Variants in PSD3 observed in about 807,000 individuals in gnomAD.
PSD3 encodes PH and SEC7 domain-containing protein 3.
In PSD3, 49 loss-of-function variants were observed where a neutral mutation model predicts 105.5. The observed-to-expected ratio is 0.46, with a 90% CI of 0.37 to 0.59. The LOEUF (loss-of-function observed/expected upper bound fraction) is 0.59. Among genes scored for constraint, PSD3 ranks in the 20% least tolerant of loss-of-function variants. The pLI, the probability that PSD3 is intolerant of heterozygous loss-of-function variation, is 0.00. For missense variants in PSD3, 1,561 were observed against 1,263.8 expected (o/e 1.24, Z -3.57); for synonymous variants, 557 against 457.8 (o/e 1.22, Z -2.77).
At chr8:18,756,345 T>C (rs543698038) in intron 9 of PSD3, among the ~76,000 whole-genome samples, 9 of 152,324 alleles carry the variant, frequency 5.9e-5, no homozygotes, top group African/African-American at 2.2e-4. Flanking sequence ...GACCTTTTTC[T>C]GACTGAGGTC....
intron 4 of PSD3, among the ~76,000 whole-genome samples, chr8:18,821,385 T>C (rs1209980625): frequency 3.1e-5 from 3 of 95,768 alleles, no homozygotes; most frequent in Non-Finnish European, 4.5e-5. Flanking sequence ...CTTTTTCATT[T>C]TCCAAAAAAA....
At chr8:18,563,024 G>A (rs543311613) in intron 14 of PSD3, among the ~76,000 whole-genome samples, 1 of 152,126 alleles carries the variant, frequency 6.6e-6, no homozygotes, top group African/African-American at 2.4e-5. Context: ...AAATGTCTAC[G>A]TCATATGCTT....
chr8:18,715,610 A>T (rs1802532749), intron 9 of PSD3, among the ~76,000 whole-genome samples: 1 of 152,246 alleles, frequency 6.6e-6, no homozygotes, highest in Non-Finnish European at 1.5e-5. Flanking sequence ...TTTTTAAAAA[A>T]GCAAAATCGC....
intron 4 of PSD3, among the ~76,000 whole-genome samples, chr8:18,820,817 G>A (rs907031883): frequency 6.6e-6 from 1 of 152,254 alleles, no homozygotes; most frequent in African/African-American, 2.4e-5. Context: ...AGGCTGGAGT[G>A]CAGTGGCGGA....
At chr8:18,678,064 A>C (rs4921950) in intron 9 of PSD3, among the ~76,000 whole-genome samples, 4 of 151,122 alleles carry the variant, frequency 2.6e-5, no homozygotes, top group Non-Finnish European at 4.4e-5. Flanking sequence ...GAACATGTTA[A>C]TCTGGCAGAA....
chr8:18,959,174 G>A (rs112208131), intron 1 of PSD3, among the ~76,000 whole-genome samples: 28,249 of 152,174 alleles, frequency 0.19, 2,966 homozygotes, highest in Non-Finnish European at 0.24. Flanking sequence ...GCCCGACTCG[G>A]CCTCCCAAAG....
chr8:18,803,425 CTCA>C (rs1810911890), intron 6 of PSD3: 1 of 61,994 alleles, frequency 1.6e-5, no homozygotes, highest in African/African-American at 9.0e-5. Flanking sequence ...GTGTGTTAAA[CTCA>C]TCATTCAAAA....
intron 9 of PSD3, among the ~76,000 whole-genome samples, chr8:18,739,899 C>G (rs1804427172): frequency 6.6e-6 from 1 of 152,142 alleles, no homozygotes; most frequent in Admixed American, 6.5e-5. Flanking sequence ...TATTAGAAAT[C>G]AGATGAAAGT....
chr8:18,729,990 A>T (rs886691230), intron 9 of PSD3: 1 of 152,224 alleles, frequency 6.6e-6, no homozygotes, highest in African/African-American at 2.4e-5. Flanking sequence ...AGACTGGAAA[A>T]GGAAGAAAGC....
In PSD3 at chr8:19,034,868, G is replaced by A. The variant is rs183791342; in HGVS notation, c.324+49338C>T. Among the ~76,000 whole-genome samples the A allele has an allele frequency of 2.4e-3, 360 of 152,264 alleles. 2 individuals are homozygous for A. Among genetic ancestry groups the A allele is most frequent in the African/African-American group, 8.3e-3 (346 of 41,560 alleles). On this transcript the variant is annotated intron_variant, in intron 1 of 1. Transcript: ENST00000521475. Reference sequence around the variant, plus strand: ...CTCCAGATACGTGAAGATAGTGACTGTCTCTTCTCCCTGCCCTCCCTCTGC... The same window carrying A: ...CTCCAGATACGTGAAGATAGTGACTATCTCTTCTCCCTGCCCTCCCTCTGC...
chr8:18,993,440 A>G (rs970364820), intron 1 of PSD3, among the ~76,000 whole-genome samples: 2 of 152,086 alleles, frequency 1.3e-5, no homozygotes, highest in African/African-American at 4.8e-5. Flanking sequence ...TCTGGCACTT[A>G]TTTATTGATG....
intron 1 of PSD3, among the ~76,000 whole-genome samples, chr8:18,965,285 T>C (rs575656198): frequency 1.3e-5 from 2 of 152,330 alleles, no homozygotes; most frequent in South Asian, 2.1e-4. Context: ...CAGTTATATG[T>C]CAGGTTTTGG....
chr8:18,956,069 A>T (rs1236150576), intron 1 of PSD3, among the ~76,000 whole-genome samples: 1 of 152,132 alleles, frequency 6.6e-6, no homozygotes, highest in African/African-American at 2.4e-5. Context: ...TGCCCGGCCT[A>T]TATTTTAGAC....
rs200291771 is a variant in PSD3 at position 18,562,891 on chromosome 8, T to TAAAGAA, written c.2785-6545_2785-6540dup. Among the ~76,000 whole-genome samples, 357 of 128,818 alleles carry TAAAGAA rather than the reference T, an allele frequency of 2.8e-3. 2 individuals are homozygous for TAAAGAA. The highest frequency in any genetic ancestry group is 0.01 in the African/African-American group (345 of 33,132). The allele number at this position is 128,818 out of a possible 152,430, so 84.5% of individuals were successfully genotyped here. On this transcript the variant is annotated intron_variant, in intron 14 of 15. Coordinates refer to ENST00000327040, the MANE Select transcript of PSD3 (RefSeq NM_015310.4). The stretch of plus-strand genomic sequence containing the variant: ...GCGACAGAGTGAGACTCTGTCTAGA[T>TAAAGAA]AAAGAAAAAGAAAAAGAAAAAGAAA...
chr8:18,717,096 C>G (rs1802650285), intron 9 of PSD3, among the ~76,000 whole-genome samples: 1 of 152,208 alleles, frequency 6.6e-6, no homozygotes, highest in African/African-American at 2.4e-5. Flanking sequence ...GCTTCCAGCA[C>G]TAAAATCAAC....
intron 2 of PSD3, among the ~76,000 whole-genome samples, chr8:18,875,276 T>C (rs1485434198): frequency 1.3e-5 from 2 of 152,156 alleles, no homozygotes; most frequent in East Asian, 3.9e-4. Flanking sequence ...TTCTCTGGGA[T>C]AGTATTTATA....
At position 18,794,844 on chromosome 8, in the gene PSD3, T is replaced by G. The variant is rs1444394584; in HGVS notation, c.2082+4451A>C. Among the ~76,000 whole-genome samples the G allele has an allele frequency of 1.4e-4, 2 of 14,704 alleles. 1 individual carries two copies. The highest frequency in any genetic ancestry group is 7.6e-4 in the Non-Finnish European group (2 of 2,642). The allele number at this position is 14,704 out of a possible 152,430, so 9.6% of individuals were successfully genotyped here. On this transcript the variant is annotated intron_variant, in intron 8 of 15. Transcript: ENST00000327040. The stretch of plus-strand genomic sequence containing the variant: ...TTCTCTATACTTTGTCTCTGTGTCT[T>G]TTTCTTTTCCAAATCTCGCGTCCCA...
chr8:18,852,928 C>G (rs1225505320), intron 4 of PSD3, among the ~76,000 whole-genome samples: 2 of 152,136 alleles, frequency 1.3e-5, no homozygotes, highest in Non-Finnish European at 2.9e-5. Context: ...GCCACCACCC[C>G]TCATGTTAGA....
intron 7 of PSD3, among the ~76,000 whole-genome samples, chr8:18,800,179 A>G (rs1401748677): frequency 1.3e-5 from 2 of 152,220 alleles, no homozygotes; most frequent in African/African-American, 4.8e-5. Flanking sequence ...TCACGAATCC[A>G]TATTTCTTAT....
Sources: gnomAD v4.1 joint callset for allele counts (sites outside exome capture counted in the v4.1 genomes callset) on GRCh38, gnomAD v4.1.1 for gene constraint, MANE v1.5 for transcripts, NCBI Gene and HGNC (gene_info 2026-07-23, HGNC 2026-07-21) for gene names.